NUP153: variants seen among roughly 807,000 people sequenced by gnomAD.
NUP153 encodes nucleoporin 153.
A neutral mutation model predicts 134.6 loss-of-function variants in NUP153; 27 were observed. The observed-to-expected ratio is 0.20, with a 90% CI of 0.15 to 0.28. The LOEUF (loss-of-function observed/expected upper bound fraction) is 0.28. Ranked by LOEUF, NUP153 falls within the 10% of genes least tolerant of loss-of-function variation. NUP153 has a pLI of 1.00. For synonymous variants in NUP153, 640 were observed against 623.5 expected (o/e 1.03, Z -0.40); for missense variants, 1,821 against 1,731.3 (o/e 1.05, Z -0.92).
At chr6:17,653,051 G>T (rs768399213) in intron 11 of NUP153, among the ~76,000 whole-genome samples, 1 of 152,046 alleles carries the variant, frequency 6.6e-6, no homozygotes, top group Admixed American at 6.6e-5. Context: ...TCAGGAGTTT[G>T]AGACCAGCCT....
chr6:17,653,724 TG>T (rs1766638569), intron 11 of NUP153, among the ~76,000 whole-genome samples: 1 of 152,132 alleles, frequency 6.6e-6, no homozygotes, highest in African/African-American at 2.4e-5. Context: ...TGATTGCCTC[TG>T]GGGTAGGAGG....
At chr6:17,621,612 T>C (rs74291784) in intron 20 of NUP153, among the ~76,000 whole-genome samples, 6,248 of 152,290 alleles carry the variant, frequency 0.041, 402 homozygotes, top group East Asian at 0.29. Flanking sequence ...AAGACACATA[T>C]TCAATGTTCT....
intron 17 of NUP153, among the ~76,000 whole-genome samples, chr6:17,631,463 G>C (rs1765248601): frequency 6.6e-6 from 1 of 152,170 alleles, no homozygotes; most frequent in Non-Finnish European, 1.5e-5. Flanking sequence ...CCCAAATAAT[G>C]TACATTGTGC....
chr6:17,658,275 A>G (rs1358318729), intron 11 of NUP153, among the ~76,000 whole-genome samples: 1 of 152,184 alleles, frequency 6.6e-6, no homozygotes, highest in Non-Finnish European at 1.5e-5. Flanking sequence ...ACATGCCTGT[A>G]ATCACAGTTA....
intron 14 of NUP153, among the ~76,000 whole-genome samples, chr6:17,641,526 T>C (rs972531783): frequency 6.6e-6 from 1 of 151,498 alleles, no homozygotes; most frequent in African/African-American, 2.4e-5. Context: ...AGAGCGAGAC[T>C]CCGTCTCAAA....
At chr6:17,629,617 C>A in intron 17 of NUP153, 78 bp from the exon 18 acceptor site, 1 of 1,341,992 alleles carries the variant, frequency 7.5e-7, no homozygotes, top group Non-Finnish European at 1.0e-6. Context: ...CTGTGAAAGC[C>A]AAAGAAACAT....
chr6:17,704,036 T>C (rs1770297689), intron 1 of NUP153, among the ~76,000 whole-genome samples: 1 of 152,220 alleles, frequency 6.6e-6, no homozygotes, highest in South Asian at 2.1e-4. Context: ...CTCACGCCTG[T>C]AATCCCAGCA....
rs769301556 is a variant in NUP153 at position 17,640,078 on chromosome 6, A to T, written c.1721-14T>A. On this transcript the variant is annotated splice_polypyrimidine_tract_variant and intron_variant, in intron 14 of 21. Coordinates refer to ENST00000262077, the MANE Select transcript of NUP153 (RefSeq NM_005124.4). ...TGACATGATGAGCTGTAATTTTTTT[A>T]AATTTAATAACATTATGCCAAATAA... 4.6e-6 allele frequency: 7 copies of T among 1,532,662 alleles called. No homozygotes were observed. The highest frequency in any genetic ancestry group is 2.6e-5 in the South Asian group (2 of 78,420). The allele number at this position is 1,532,662 out of a possible 1,614,324, so 94.9% of individuals were successfully genotyped here. A position where few individuals can be genotyped will look rare whatever the true frequency, so the allele number is the denominator to read the frequency against.
chr6:17,681,903 G>A (rs1768600925), intron 2 of NUP153, among the ~76,000 whole-genome samples: 2 of 151,914 alleles, frequency 1.3e-5, no homozygotes, highest in African/African-American at 4.8e-5. Context: ...AGAAACCAAA[G>A]AGGAAAAAGA....
chr6:17,630,826 G>A (rs984045464), intron 17 of NUP153, among the ~76,000 whole-genome samples: 2 of 151,794 alleles, frequency 1.3e-5, no homozygotes, highest in African/African-American at 4.8e-5. Context: ...AGAGAAAAGA[G>A]AAGAGAGCAA....
At chr6:17,658,914 C>T (rs992529049) in intron 11 of NUP153, among the ~76,000 whole-genome samples, 33 of 152,134 alleles carry the variant, frequency 2.2e-4, no homozygotes, top group Non-Finnish European at 5.9e-5. Flanking sequence ...GGTGGTCTGC[C>T]GCCGGTCTAA....
chr6:17,632,100 T>C (rs975981254), intron 17 of NUP153, among the ~76,000 whole-genome samples: 1 of 152,168 alleles, frequency 6.6e-6, no homozygotes, highest in Non-Finnish European at 1.5e-5. Flanking sequence ...AGCCACAGCC[T>C]GTATCGCTTT....
rs532502989 is a variant in NUP153 at position 17,632,863 on chromosome 6, A to C, written c.2465-19T>G. 1.3e-6 allele frequency: 2 copies of C among 1,499,168 alleles called. No homozygotes were observed. Among genetic ancestry groups the C allele is most frequent in the South Asian group, 1.3e-5 (1 of 78,456 alleles). 92.9% of individuals were successfully genotyped at this position (1,499,168 alleles called of 1,614,324 possible). On this transcript the variant is annotated intron_variant, in intron 16 of 21. Transcript: ENST00000262077. ...GAACTTCCTAAAAAAAAAAAAAAAA[A>C]CGGGGAGTGGGGGGAGATTTCATGA...
chr6:17,706,588 G>C lies in NUP153; in HGVS notation c.-201C>G. On this transcript the variant is annotated 5_prime_UTR_variant, in exon 1 of 22. Transcript: ENST00000262077. This position sits in a 1 kb window ranked among gnomAD's most constrained non-coding sequence, Gnocchi z 5.9. Reference sequence around the variant, plus strand: ...GAGGGTGAGTGCTGGCAGCGGGGAAGGGGGTGGCGGCCGCAGAGGCCGAGG... The same window carrying C: ...GAGGGTGAGTGCTGGCAGCGGGGAACGGGGTGGCGGCCGCAGAGGCCGAGG... 1 of 580,466 alleles carries C rather than the reference G, an allele frequency of 1.7e-6. No homozygotes were observed. The highest frequency in any genetic ancestry group is 3.0e-6 in the Non-Finnish European group (1 of 329,320). The allele number at this position is 580,466 out of a possible 1,614,324, so 36.0% of individuals were successfully genotyped here.
chr6:17,667,452 C>T (rs145402823), intron 8 of NUP153, among the ~76,000 whole-genome samples: 7,357 of 152,226 alleles, frequency 0.048, 401 homozygotes, highest in East Asian at 0.29. Context: ...CGGTGGCTCA[C>T]GCCTGTAATC....
At chr6:17,619,673 A>G (rs1764545250) in intron 20 of NUP153, 1 of 152,246 alleles carries the variant, frequency 6.6e-6, no homozygotes, top group South Asian at 2.1e-4. Flanking sequence ...GAGAACACAA[A>G]CAAATGTAAA....
chr6:17,662,194 C>A, intron 9 of NUP153, 124 bp from the exon 10 acceptor site: 1 of 851,166 alleles, frequency 1.2e-6, no homozygotes, highest in Non-Finnish European at 1.9e-6. Context: ...GTTAATGAAT[C>A]CTGAAATTTG....
rs1360731076 is a variant in NUP153 at position 17,635,099 on chromosome 6, CTTATCT to C, written c.2464+2048_2464+2053del. 2.9e-3 allele frequency among the ~76,000 whole-genome samples: 396 copies of C among 135,086 alleles called. 4 individuals carry two copies. The highest frequency in any genetic ancestry group is 0.01 in the African/African-American group (373 of 36,854). 88.6% of individuals were successfully genotyped at this position (135,086 alleles called of 152,430 possible). Reference sequence around the variant, plus strand: ...GCAGCCCACAGGTTGCACAGCTTGGCTTATCTTTTTTTTTTTTTTTTTTTTTTTGAG... The same window carrying C: ...GCAGCCCACAGGTTGCACAGCTTGGCTTTTTTTTTTTTTTTTTTTTTTGAG... On this transcript the variant is annotated intron_variant, in intron 16 of 21. Transcript: ENST00000262077.
At chr6:17,661,552 T>C (rs1167259440) in intron 11 of NUP153, 101 bp downstream of exon 11, 2 of 1,132,420 alleles carry the variant, frequency 1.8e-6, no homozygotes, top group Non-Finnish European at 2.4e-6. Flanking sequence ...TTAATTTTGC[T>C]CTGGGTCTCT....
Sources: allele counts gnomAD v4.1 joint callset (sites outside exome capture counted in the v4.1 genomes callset), GRCh38; gene constraint gnomAD v4.1.1; non-coding constraint Gnocchi (gnomAD v3.1); transcripts MANE v1.5; gene names NCBI Gene and HGNC (gene_info 2026-07-23, HGNC 2026-07-21).